DTWD2: variants seen among roughly 807,000 people sequenced by gnomAD.
The protein encoded by DTWD2 is tRNA-uridine aminocarboxypropyltransferase 2.
In DTWD2, 39 loss-of-function variants were observed where a neutral mutation model predicts 31.8. The observed-to-expected ratio is 1.22, with a 90% CI of 0.95 to 1.60. The LOEUF is 1.60. Ranked by LOEUF, DTWD2 falls within the 40% of genes most tolerant of loss-of-function variation. The pLI is 0.00. For synonymous variants in DTWD2, 180 were observed against 142.8 expected, an observed-to-expected ratio of 1.26 and a Z score of -1.86; for missense variants, 515 against 381.5, an observed-to-expected ratio of 1.35 and a Z score of -2.92.
At chr5:118,892,470 T>G (rs1752995540) in intron 4 of DTWD2, among the ~76,000 whole-genome samples, 3 of 152,152 alleles carry the variant, frequency 2.0e-5, no homozygotes, top group Admixed American at 2.0e-4. Context: ...ACAGAAATTG[T>G]TCTACATCTT....
intron 4 of DTWD2, among the ~76,000 whole-genome samples, chr5:118,896,629 A>G (rs1286162025): frequency 6.6e-6 from 1 of 152,254 alleles, no homozygotes; most frequent in Non-Finnish European, 1.5e-5. Context: ...ACAAATTCTA[A>G]AAACTAACAC....
intron 2 of DTWD2, among the ~76,000 whole-genome samples, chr5:118,944,095 C>T (rs1180563477): frequency 6.6e-6 from 1 of 152,182 alleles, no homozygotes; most frequent in Non-Finnish European, 1.5e-5. Flanking sequence ...ATATAACATG[C>T]ATTATAAAAT....
chr5:118,927,972 T>C (rs1753844346), intron 4 of DTWD2, among the ~76,000 whole-genome samples: 1 of 152,070 alleles, frequency 6.6e-6, no homozygotes, highest in Non-Finnish European at 1.5e-5. Flanking sequence ...TTTTCAGCAA[T>C]ATATCAAAAA....
At chr5:118,891,341 C>T (rs1018552940) in intron 4 of DTWD2, among the ~76,000 whole-genome samples, 1 of 152,126 alleles carries the variant, frequency 6.6e-6, no homozygotes, top group Non-Finnish European at 1.5e-5. Flanking sequence ...AATTGAGGCA[C>T]ATAATCATAT....
chr5:118,907,576 CA>C (rs1430398014), intron 4 of DTWD2, among the ~76,000 whole-genome samples: 1 of 152,010 alleles, frequency 6.6e-6, no homozygotes, highest in Admixed American at 6.6e-5. Flanking sequence ...ACTAAAAATA[CA>C]AAAATTAGCC....
At chr5:118,891,361 A>G (rs1752974483) in intron 4 of DTWD2, among the ~76,000 whole-genome samples, 1 of 152,162 alleles carries the variant, frequency 6.6e-6, no homozygotes, top group African/African-American at 2.4e-5. Context: ...TCAGCTGCCT[A>G]ACTATGCCAA....
rs1753861604 is a variant in DTWD2, at chr5:118,928,745, A to T, written c.405-16T>A. Reference sequence around the variant, plus strand: ...TTCAGGATCTCTGAAAAAGTTTTTTAAAAATATATCTTTATTAGCTTGTGA... The same window carrying T: ...TTCAGGATCTCTGAAAAAGTTTTTTTAAAATATATCTTTATTAGCTTGTGA... On this transcript the variant is annotated splice_polypyrimidine_tract_variant and intron_variant, in intron 3 of 5. Transcript: ENST00000510708. 1.3e-6 allele frequency: 2 copies of T among 1,508,248 alleles called. No homozygotes were observed. The highest frequency in any genetic ancestry group is 2.1e-5 in the Admixed American group (1 of 46,688). 93.4% of individuals were successfully genotyped at this position (1,508,248 alleles called of 1,614,324 possible).
chr5:118,947,992 T>A (rs1422022568), intron 1 of DTWD2, among the ~76,000 whole-genome samples: 1 of 152,194 alleles, frequency 6.6e-6, no homozygotes, highest in African/African-American at 2.4e-5. Context: ...GCATAACACA[T>A]TTGATGAATG....
At chr5:118,944,845 T>C (rs569092836) in intron 1 of DTWD2, among the ~76,000 whole-genome samples, 196 bp from the exon 2 acceptor site, 3 of 152,256 alleles carry the variant, frequency 2.0e-5, no homozygotes, top group African/African-American at 7.2e-5. Flanking sequence ...TCAAGTAAAT[T>C]CTTTACCACT....
At chr5:118,860,684 T>C (rs908909179) in intron 4 of DTWD2, among the ~76,000 whole-genome samples, 1 of 152,152 alleles carries the variant, frequency 6.6e-6, no homozygotes, top group Non-Finnish European at 1.5e-5. Context: ...GCATATTGTT[T>C]AGGACTTTTG....
At chr5:118,864,777 C>G (rs1460789257) in intron 4 of DTWD2, among the ~76,000 whole-genome samples, 3 of 151,804 alleles carry the variant, frequency 2.0e-5, no homozygotes, top group African/African-American at 7.3e-5. Context: ...ATGTTTTTCA[C>G]CTATTCCTAA....
intron 4 of DTWD2, among the ~76,000 whole-genome samples, chr5:118,870,763 A>G (rs796692204): frequency 5.1e-4 from 78 of 152,244 alleles, no homozygotes; most frequent in African/African-American, 1.8e-3. Flanking sequence ...TGCTGCATCA[A>G]TGGACTCTTC....
At chr5:118,891,926 A>AG (rs748990652) in intron 4 of DTWD2, among the ~76,000 whole-genome samples, 7 of 152,222 alleles carry the variant, frequency 4.6e-5, no homozygotes, top group Non-Finnish European at 1.0e-4. Flanking sequence ...AAAATAATCT[A>AG]GCTCAATGCT....
At position 118,931,989 on chromosome 5, in the gene DTWD2, G is replaced by A. The variant is rs148652322; in HGVS notation, c.405-3260C>T. Among the ~76,000 whole-genome samples, 374 of 152,254 alleles carry A rather than the reference G, an allele frequency of 2.5e-3. 1 individual carries two copies. The highest frequency in any genetic ancestry group is 8.7e-3 in the African/African-American group (362 of 41,554). ...CTTCTAAGTAAACCACGGGTCAAGA[G>A]ATAAGTCCCAAGGGAAATTTTTAAA... On this transcript the variant is annotated intron_variant, in intron 3 of 5. Transcript: ENST00000510708.
chr5:118,932,059 G>C, intron 3 of DTWD2, among the ~76,000 whole-genome samples: 1 of 152,136 alleles, frequency 6.6e-6, no homozygotes. Flanking sequence ...ATCAAAATGT[G>C]TGGGAAGCAG....
chr5:118,853,221 G>A (rs574388592), intron 4 of DTWD2, among the ~76,000 whole-genome samples: 2 of 152,214 alleles, frequency 1.3e-5, no homozygotes, highest in African/African-American at 4.8e-5. Flanking sequence ...AATACAAGTT[G>A]AAATTGTTTT....
At chr5:118,899,734 T>C (rs1753162091) in intron 4 of DTWD2, among the ~76,000 whole-genome samples, 1 of 152,062 alleles carries the variant, frequency 6.6e-6, no homozygotes, top group Admixed American at 6.5e-5. Flanking sequence ...AAAACCATAG[T>C]TCTGTCAGTT....
chr5:118,932,652 G>A (rs1753953167), intron 3 of DTWD2, among the ~76,000 whole-genome samples: 1 of 152,102 alleles, frequency 6.6e-6, no homozygotes. Flanking sequence ...TATAAGAAGA[G>A]GAAATTTGGA....
chr5:118,859,699 A>C (rs902186306), intron 4 of DTWD2, among the ~76,000 whole-genome samples: 1 of 152,192 alleles, frequency 6.6e-6, no homozygotes, highest in African/African-American at 2.4e-5. Flanking sequence ...GTGTAATAAG[A>C]TAAGCTTATA....
Sources: allele counts gnomAD v4.1 joint callset (sites outside exome capture counted in the v4.1 genomes callset), GRCh38; gene constraint gnomAD v4.1.1; transcripts MANE v1.5; gene names NCBI Gene and HGNC (gene_info 2026-07-23, HGNC 2026-07-21).